GPC6: variants seen among roughly 807,000 people sequenced by gnomAD.
GPC6 encodes the protein glypican 6, also known as glypican-6.
GPC6 carries 14 observed loss-of-function variants against 55.2 expected under a neutral mutation model. The observed-to-expected ratio is 0.25, with a 90% confidence interval of 0.17 to 0.40. GPC6 has a LOEUF of 0.40. Among genes scored for constraint, GPC6 ranks in the 10% least tolerant of loss-of-function variants. The pLI is 1.00. For synonymous variants in GPC6, 278 were observed against 259.6 expected, an observed-to-expected ratio of 1.07 and a Z score of -0.68; for missense variants, 641 against 708.5, an observed-to-expected ratio of 0.90 and a Z score of 1.08.
chr13:94,103,653 T>C (rs571046610), intron 4 of GPC6, among the ~76,000 whole-genome samples: 9 of 152,364 alleles, frequency 5.9e-5, no homozygotes, highest in Non-Finnish European at 1.5e-5. Flanking sequence ...TGAGCATTTT[T>C]TCATGTGTCT....
At chr13:93,510,232 C>A (rs956730231) in intron 1 of GPC6, among the ~76,000 whole-genome samples, 1 of 151,976 alleles carries the variant, frequency 6.6e-6, no homozygotes, top group Non-Finnish European at 1.5e-5. Flanking sequence ...AATATGGTCA[C>A]CCTAGTCTGC....
chr13:93,359,895 A>G (rs1594117750), intron 1 of GPC6, among the ~76,000 whole-genome samples: 1 of 152,328 alleles, frequency 6.6e-6, no homozygotes, highest in East Asian at 1.9e-4. Flanking sequence ...TTAGGCAAAG[A>G]AAACATATTT....
intron 3 of GPC6, among the ~76,000 whole-genome samples, chr13:93,888,977 G>T (rs1875503828): frequency 6.6e-6 from 1 of 152,028 alleles, no homozygotes; most frequent in Non-Finnish European, 1.5e-5. Context: ...TACAATAATA[G>T]CCAAGACTTA....
In GPC6 at chr13:93,357,129, C is replaced by T. The variant is rs867533044; in HGVS notation, c.160+129513C>T. On this transcript the variant is annotated intron_variant, in intron 1 of 8. Transcript: ENST00000377047. ...TGATGACTGTAAAATCAAGACAGGT[C>T]ATTCCATTTCCCTCAAGCAGAGTGA... Among the ~76,000 whole-genome samples, 3 of 152,324 alleles carry T rather than the reference C, an allele frequency of 2.0e-5. No individual in the cohort carries two copies. In the South Asian group the frequency reaches 6.2e-4, roughly 32 times the overall value.
intron 2 of GPC6, among the ~76,000 whole-genome samples, chr13:93,665,899 T>G (rs573166269): frequency 2.0e-5 from 3 of 152,302 alleles, no homozygotes; most frequent in African/African-American, 7.2e-5. Flanking sequence ...TGGCCGAAGA[T>G]CAATCATTTA....
intron 6 of GPC6, among the ~76,000 whole-genome samples, chr13:94,345,137 CCT>C (rs1594190553): frequency 6.6e-6 from 1 of 151,974 alleles, no homozygotes; most frequent in Non-Finnish European, 1.5e-5. Flanking sequence ...TAAAATTCAC[CCT>C]GTTTCTCAAT....
chr13:94,301,758 A>G (rs1875662349), intron 5 of GPC6, among the ~76,000 whole-genome samples: 1 of 152,196 alleles, frequency 6.6e-6, no homozygotes, highest in Admixed American at 6.5e-5. Context: ...TCCTTGGTAA[A>G]TGCAATCAGT....
chr13:93,836,978 T>G (rs1434148074), intron 3 of GPC6, among the ~76,000 whole-genome samples: 2 of 152,212 alleles, frequency 1.3e-5, no homozygotes, highest in African/African-American at 2.4e-5. Context: ...AAGTTTCACT[T>G]TGATTAAAAC....
chr13:94,114,352 T>C (rs1272709142), intron 4 of GPC6, among the ~76,000 whole-genome samples: 1 of 152,094 alleles, frequency 6.6e-6, no homozygotes, highest in Non-Finnish European at 1.5e-5. Flanking sequence ...CATATGGCCT[T>C]GGCTTTGAAG....
intron 2 of GPC6, among the ~76,000 whole-genome samples, chr13:93,750,501 G>T (rs1884540809): frequency 6.6e-6 from 1 of 152,252 alleles, no homozygotes; most frequent in Non-Finnish European, 1.5e-5. Context: ...TTACTTTATA[G>T]TGGTTGCTAC....
At chr13:94,131,777 C>T (rs1294630480) in intron 4 of GPC6, among the ~76,000 whole-genome samples, 4 of 151,882 alleles carry the variant, frequency 2.6e-5, no homozygotes, top group Admixed American at 2.0e-4. Context: ...CTCTCAAAGA[C>T]GTAAAATAAG....
At chr13:93,574,814 A>G (rs1594280115) in intron 2 of GPC6, among the ~76,000 whole-genome samples, 1 of 152,194 alleles carries the variant, frequency 6.6e-6, no homozygotes, top group Admixed American at 6.5e-5. Context: ...ATATAAATAG[A>G]ATTATAAAAC....
intron 2 of GPC6, among the ~76,000 whole-genome samples, chr13:93,676,990 T>C (rs1336724221): frequency 6.6e-6 from 1 of 152,174 alleles, no homozygotes; most frequent in Non-Finnish European, 1.5e-5. Flanking sequence ...CTGCTGAATC[T>C]AGTTTAAAAT....
At chr13:93,774,773 T>C (rs1885413360) in intron 2 of GPC6, among the ~76,000 whole-genome samples, 1 of 152,180 alleles carries the variant, frequency 6.6e-6, no homozygotes, top group African/African-American at 2.4e-5. Context: ...ACAGGGAAAG[T>C]ATCTTCTGTA....
intron 1 of GPC6, among the ~76,000 whole-genome samples, chr13:93,463,524 T>C (rs1878782478): frequency 6.6e-6 from 1 of 152,194 alleles, no homozygotes; most frequent in African/African-American, 2.4e-5. Context: ...GTCTCTGCCA[T>C]GTTTGAGAGC....
chr13:93,573,823 CT>C (rs1383112353), intron 2 of GPC6, among the ~76,000 whole-genome samples: 2 of 152,054 alleles, frequency 1.3e-5, no homozygotes, highest in Non-Finnish European at 2.9e-5. Context: ...CACGTTTTGC[CT>C]TTTTTTCTTC....
At chr13:93,578,896 T>A in intron 2 of GPC6, among the ~76,000 whole-genome samples, 1 of 152,216 alleles carries the variant, frequency 6.6e-6, no homozygotes, top group South Asian at 2.1e-4. Context: ...CCATTTTCAT[T>A]TGTTTCCAGA....
intron 4 of GPC6, among the ~76,000 whole-genome samples, chr13:94,035,161 AC>A (rs1361180626): frequency 6.6e-6 from 1 of 152,080 alleles, no homozygotes; most frequent in African/African-American, 2.4e-5. Flanking sequence ...TATATATAAA[AC>A]GTACTTGTTT....
chr13:94,057,224 T>A (rs1316432582), intron 4 of GPC6, among the ~76,000 whole-genome samples: 2 of 152,192 alleles, frequency 1.3e-5, no homozygotes, highest in African/African-American at 4.8e-5. Context: ...AGAAAGTATA[T>A]CATATTTGGG....
Sources: allele counts gnomAD v4.1 joint callset (sites outside exome capture counted in the v4.1 genomes callset), GRCh38; gene constraint gnomAD v4.1.1; transcripts MANE v1.5; gene names NCBI Gene and HGNC (gene_info 2026-07-23, HGNC 2026-07-21).